Variants in L3MBTL4 observed in about 807,000 individuals in gnomAD.
The protein encoded by L3MBTL4 is lethal(3)malignant brain tumor-like protein 4.
Under a neutral mutation model 84.5 loss-of-function variants are expected in L3MBTL4, and 70 were observed. That is an observed-to-expected ratio of 0.83 (90% CI 0.68 to 1.01). The LOEUF (loss-of-function observed/expected upper bound fraction) is 1.01. Among genes scored for constraint, L3MBTL4 ranks in the 50% least tolerant of loss-of-function variants. L3MBTL4 has a pLI of 0.00. For synonymous variants in L3MBTL4, 274 were observed against 259.8 expected (o/e 1.05, Z -0.52); for missense variants, 715 against 754.8 (o/e 0.95, Z 0.62).
At chr18:6,241,585 C>A in intron 7 of L3MBTL4, 136 bp from the exon 8 acceptor site, 1 of 547,104 alleles carries the variant, frequency 1.8e-6, no homozygotes, top group East Asian at 3.1e-5. Context: ...ACTTTTGCAC[C>A]AACCTCATAT....
At chr18:6,128,732 T>C (rs994173867) in intron 14 of L3MBTL4, among the ~76,000 whole-genome samples, 11 of 151,716 alleles carry the variant, frequency 7.3e-5, no homozygotes, top group Admixed American at 5.9e-4. Flanking sequence ...ATGAAGAACA[T>C]AAATTGGTGA....
intron 3 of L3MBTL4, among the ~76,000 whole-genome samples, chr18:6,302,660 A>AT (rs1170297613): frequency 1.3e-5 from 2 of 152,148 alleles, no homozygotes; most frequent in Non-Finnish European, 2.9e-5. Flanking sequence ...TCTTTATGTC[A>AT]TTTTGTGGCC....
chr18:6,041,696 C>T (rs2056408668), intron 16 of L3MBTL4, among the ~76,000 whole-genome samples: 1 of 151,990 alleles, frequency 6.6e-6, no homozygotes, highest in Admixed American at 6.6e-5. Flanking sequence ...GGTTTACCTG[C>T]TTTTCTATGC....
At position 6,278,057 on chromosome 18, in the gene L3MBTL4, T is replaced by G. The variant is rs184416870; in HGVS notation, c.128-14019A>C. 3.1e-3 allele frequency among the ~76,000 whole-genome samples: 472 copies of G among 152,220 alleles called. 1 individual carries two copies. The highest frequency in any genetic ancestry group is 0.011 in the African/African-American group (457 of 41,564). On this transcript the variant is annotated intron_variant, in intron 4 of 18. Coordinates refer to ENST00000317931, the MANE Select transcript of L3MBTL4 (RefSeq NM_001330559.2). ...ATATAAACACATATATATGTATTTT[T>G]TAATCTCTTCTTTCCAAAGTTTGTA...
intron 16 of L3MBTL4, among the ~76,000 whole-genome samples, chr18:6,072,280 C>G (rs563775863): frequency 6.6e-6 from 1 of 152,036 alleles, no homozygotes; most frequent in Non-Finnish European, 1.5e-5. Flanking sequence ...TAATAAAGAT[C>G]TAACGGTATG....
At chr18:6,161,821 AT>A (rs1000924005) in intron 13 of L3MBTL4, among the ~76,000 whole-genome samples, 4 of 152,088 alleles carry the variant, frequency 2.6e-5, no homozygotes, top group Non-Finnish European at 5.9e-5. Context: ...ATTTTTACTC[AT>A]CCATGGGCAG....
intron 5 of L3MBTL4, among the ~76,000 whole-genome samples, chr18:6,258,444 G>A (rs1418233426): frequency 2.0e-5 from 3 of 152,190 alleles, no homozygotes; most frequent in African/African-American, 7.2e-5. Context: ...GAGGATAGCA[G>A]GGAGGCAACG....
chr18:6,078,011 G>A (rs376642127), intron 16 of L3MBTL4, among the ~76,000 whole-genome samples: 1 of 150,840 alleles, frequency 6.6e-6, no homozygotes. Flanking sequence ...TTGTGTGACA[G>A]AGCAAGACTT....
chr18:5,981,724 C>T (rs771296278), intron 16 of L3MBTL4, among the ~76,000 whole-genome samples: 1 of 151,656 alleles, frequency 6.6e-6, no homozygotes, highest in Non-Finnish European at 1.5e-5. Flanking sequence ...CACTTGAGTC[C>T]AGGAGTTTGA....
intron 1 of L3MBTL4, among the ~76,000 whole-genome samples, chr18:6,316,468 G>A (rs450689): frequency 0.19 from 28,226 of 152,128 alleles, 2,725 homozygotes; most frequent in Middle Eastern, 0.22. Flanking sequence ...GCTGGTGCTC[G>A]TGAAGGGTCT....
intron 14 of L3MBTL4, among the ~76,000 whole-genome samples, chr18:6,109,323 G>A (rs565245779): frequency 7.2e-5 from 11 of 152,020 alleles, no homozygotes; most frequent in East Asian, 1.9e-4. Flanking sequence ...TACCATGTGC[G>A]CAGGCATTAT....
At chr18:6,081,908 A>G (rs1439316798) in intron 15 of L3MBTL4, among the ~76,000 whole-genome samples, 1 of 152,222 alleles carries the variant, frequency 6.6e-6, no homozygotes, top group African/African-American at 2.4e-5. Context: ...AAAAAGCAAG[A>G]AACCGAGAAA....
At chr18:6,339,822 T>C (rs1287033226) in intron 1 of L3MBTL4, among the ~76,000 whole-genome samples, 1 of 152,062 alleles carries the variant, frequency 6.6e-6, no homozygotes, top group Non-Finnish European at 1.5e-5. Flanking sequence ...CTCACTAATC[T>C]GAAAAATTAA....
intron 13 of L3MBTL4, among the ~76,000 whole-genome samples, chr18:6,139,060 T>G (rs1214719878): frequency 3.9e-5 from 6 of 152,108 alleles, no homozygotes; most frequent in South Asian, 2.1e-4. Flanking sequence ...CACAGCACAC[T>G]TACTCAAGTG....
At chr18:6,369,686 G>C (rs761119936) in intron 1 of L3MBTL4, among the ~76,000 whole-genome samples, 1 of 152,132 alleles carries the variant, frequency 6.6e-6, no homozygotes, top group East Asian at 1.9e-4. Flanking sequence ...TTGGAAAGGG[G>C]GATATGCAAC....
intron 4 of L3MBTL4, among the ~76,000 whole-genome samples, chr18:6,287,324 G>A (rs1247041789): frequency 2.0e-5 from 3 of 151,736 alleles, no homozygotes; most frequent in Non-Finnish European, 4.4e-5. Flanking sequence ...ATTGATACAC[G>A]AGGCTCCAGA....
At chr18:6,338,065 A>T (rs1260041249) in intron 1 of L3MBTL4, among the ~76,000 whole-genome samples, 1 of 152,118 alleles carries the variant, frequency 6.6e-6, no homozygotes, top group Admixed American at 6.5e-5. Context: ...ATAACAATGA[A>T]TATATTATCA....
At chr18:6,021,935 T>A (rs1365832868) in intron 16 of L3MBTL4, among the ~76,000 whole-genome samples, 1 of 152,208 alleles carries the variant, frequency 6.6e-6, no homozygotes, top group Non-Finnish European at 1.5e-5. Flanking sequence ...GGACACCCAG[T>A]GTGGTAGTGG....
chr18:5,955,993 T>A lies in L3MBTL4; in HGVS notation c.*227A>T. The A allele has an allele frequency of 2.1e-6, 1 of 465,646 alleles. No individual in the cohort carries two copies. The highest frequency in any genetic ancestry group is 3.7e-5 in the South Asian group (1 of 26,782). 28.8% of individuals were successfully genotyped at this position (465,646 alleles called of 1,614,324 possible). ...AGAGCTGAGCGGATCCCACCAAAGA[T>A]AACAATGTTCGTAAACCAAACCCAC... On this transcript the variant is annotated 3_prime_UTR_variant, in exon 19 of 19. Transcript: ENST00000317931.
Sources: allele counts gnomAD v4.1 joint callset (sites outside exome capture counted in the v4.1 genomes callset), GRCh38; gene constraint gnomAD v4.1.1; transcripts MANE v1.5; gene names NCBI Gene and HGNC (gene_info 2026-07-23, HGNC 2026-07-21).